PTPN4: variants seen among roughly 807,000 people sequenced by gnomAD.
The protein encoded by PTPN4 is protein tyrosine phosphatase non-receptor type 4.
In PTPN4, 49 loss-of-function variants were observed where a neutral mutation model predicts 135.5. The observed-to-expected ratio is 0.36, with a 90% CI of 0.29 to 0.46. PTPN4 has a LOEUF of 0.46. PTPN4 is among the 20% of genes least tolerant of loss of function. The probability of loss-of-function intolerance (pLI) is 1.00; values close to 1 mark genes in which losing one functional copy is unlikely to be tolerated. For missense variants in PTPN4, 860 were observed against 1,101.0 expected (o/e 0.78, Z 3.10); for synonymous variants, 333 against 369.9 (o/e 0.90, Z 1.14).
chr2:119,786,995 T>C (rs1480569287), intron 1 of PTPN4, among the ~76,000 whole-genome samples: 8 of 152,186 alleles, frequency 5.3e-5, no homozygotes, highest in African/African-American at 1.9e-4. Context: ...CACCTTATTA[T>C]ACCTTTATGC....
chr2:119,761,249 C>G (rs1690487558), intron 1 of PTPN4, among the ~76,000 whole-genome samples: 1 of 152,134 alleles, frequency 6.6e-6, no homozygotes, highest in African/African-American at 2.4e-5. Flanking sequence ...ATGTGTCCGA[C>G]TTGCAAAAGA....
At chr2:119,970,662 A>T (rs941665050) in intron 26 of PTPN4, among the ~76,000 whole-genome samples, 19 of 152,260 alleles carry the variant, frequency 1.2e-4, no homozygotes, top group African/African-American at 4.6e-4. Context: ...GTTCAATAAT[A>T]TTTCATTGTG....
chr2:119,928,027 T>TA (rs1678850412), intron 13 of PTPN4, among the ~76,000 whole-genome samples: 1 of 152,278 alleles, frequency 6.6e-6, no homozygotes, highest in East Asian at 1.9e-4. Flanking sequence ...GACAACTTTT[T>TA]AAAAAAATTT....
At chr2:119,877,653 T>G in intron 5 of PTPN4, 111 bp downstream of exon 5, 1 of 1,336,744 alleles carries the variant, frequency 7.5e-7, no homozygotes, top group East Asian at 2.5e-5. Context: ...AGCTTTCCAG[T>G]CAGTACACAG....
chr2:119,935,146 C>T, intron 15 of PTPN4, 188 bp downstream of exon 15: 1 of 621,854 alleles, frequency 1.6e-6, no homozygotes, highest in Non-Finnish European at 2.7e-6. Context: ...CCGACCCAGT[C>T]ACTATGTTGT....
intron 3 of PTPN4, among the ~76,000 whole-genome samples, chr2:119,865,867 GGCACCTA>G (rs928775955): frequency 5.9e-5 from 9 of 151,974 alleles, no homozygotes; most frequent in African/African-American, 1.9e-4. Flanking sequence ...AAACTTAAAA[GGCACCTA>G]GCATTTTGTT....
chr2:119,789,878 A>G (rs1372529473), intron 1 of PTPN4, among the ~76,000 whole-genome samples: 2 of 151,676 alleles, frequency 1.3e-5, no homozygotes, highest in African/African-American at 4.9e-5. Context: ...GCATACCACC[A>G]TGCTCAGCTA....
intron 2 of PTPN4, among the ~76,000 whole-genome samples, chr2:119,837,335 T>C (rs1294394310): frequency 4.6e-5 from 7 of 152,048 alleles, no homozygotes; most frequent in Non-Finnish European, 8.8e-5. Context: ...TCCTCTCCAC[T>C]GAGGGCTGGA....
intron 1 of PTPN4, among the ~76,000 whole-genome samples, chr2:119,781,122 G>GGAC (rs1690928563): frequency 6.6e-6 from 1 of 151,908 alleles, no homozygotes; most frequent in African/African-American, 2.4e-5. Flanking sequence ...TCTTTGACTA[G>GGAC]TCCTCAGTTA....
At chr2:119,962,194 C>CCTGA (rs1257806877) in intron 23 of PTPN4, among the ~76,000 whole-genome samples, 1 of 152,108 alleles carries the variant, frequency 6.6e-6, no homozygotes, top group Non-Finnish European at 1.5e-5. Context: ...GTGGCTCACA[C>CCTGA]CTGTAATCCC....
intron 18 of PTPN4, among the ~76,000 whole-genome samples, chr2:119,946,932 G>A (rs1172735198): frequency 6.6e-6 from 1 of 152,032 alleles, no homozygotes; most frequent in Non-Finnish European, 1.5e-5. Context: ...CATTATACTT[G>A]CCTATGCACT....
intron 2 of PTPN4, among the ~76,000 whole-genome samples, chr2:119,824,452 A>T (rs1244162382): frequency 6.6e-6 from 1 of 152,162 alleles, no homozygotes; most frequent in Non-Finnish European, 1.5e-5. Context: ...GGTAGCAGGG[A>T]TTACAGGCAC....
rs1253092878 is a variant in PTPN4, at chr2:119,847,331, T to A, written c.139-15205T>A. 5.0e-3 allele frequency among the ~76,000 whole-genome samples: 702 copies of A among 139,334 alleles called. 9 individuals carry two copies. Among genetic ancestry groups the A allele is most frequent in the East Asian group, 0.012 (61 of 5,032 alleles). 91.4% of individuals were successfully genotyped at this position (139,334 alleles called of 152,430 possible). Reference sequence around the variant, plus strand: ...ACACACACACATATATATATATATTTTTTTTTTTTTTTTGAGACAGAGTTT... The same window carrying A: ...ACACACACACATATATATATATATTATTTTTTTTTTTTTGAGACAGAGTTT... On this transcript the variant is annotated intron_variant, in intron 2 of 26. Coordinates refer to ENST00000263708, the MANE Select transcript of PTPN4 (RefSeq NM_002830.4).
intron 1 of PTPN4, among the ~76,000 whole-genome samples, chr2:119,785,087 C>T (rs901019012): frequency 6.6e-4 from 100 of 152,264 alleles, no homozygotes; most frequent in Non-Finnish European, 1.9e-4. Flanking sequence ...CCTGTGCAAT[C>T]CGTGATGTCT....
intron 2 of PTPN4, among the ~76,000 whole-genome samples, chr2:119,820,515 A>C (rs896108616): frequency 2.0e-5 from 3 of 152,182 alleles, no homozygotes; most frequent in Non-Finnish European, 4.4e-5. Context: ...AGAATCCCCC[A>C]AGGAAGCCCT....
chr2:119,783,789 A>G (rs1690992189), intron 1 of PTPN4, among the ~76,000 whole-genome samples: 2 of 152,258 alleles, frequency 1.3e-5, no homozygotes, highest in South Asian at 4.1e-4. Flanking sequence ...CTGCATAACC[A>G]TGCCAACATT....
chr2:119,955,863 G>A (rs1402125047), intron 20 of PTPN4, among the ~76,000 whole-genome samples: 1 of 152,016 alleles, frequency 6.6e-6, no homozygotes, highest in African/African-American at 2.4e-5. Flanking sequence ...CGTGAACCTG[G>A]GAGGCAGAGC....
intron 13 of PTPN4, among the ~76,000 whole-genome samples, chr2:119,931,396 T>G (rs1437610479): frequency 6.6e-6 from 1 of 151,564 alleles, no homozygotes; most frequent in Non-Finnish European, 1.5e-5. Context: ...TCTTTTGATC[T>G]GAATGAATCA....
chr2:119,952,208 A>G, intron 19 of PTPN4, 79 bp downstream of exon 19: 2 of 1,329,054 alleles, frequency 1.5e-6, no homozygotes, highest in South Asian at 2.9e-5. Flanking sequence ...CAGATTTCTG[A>G]CATAAAACAT....
Sources: gnomAD v4.1 joint callset for allele counts (sites outside exome capture counted in the v4.1 genomes callset) on GRCh38, gnomAD v4.1.1 for gene constraint, MANE v1.5 for transcripts, NCBI Gene and HGNC (gene_info 2026-07-23, HGNC 2026-07-21) for gene names.